The following ADGRL3 variants were observed in gnomAD, a reference collection of about 807,000 sequenced individuals.
ADGRL3 encodes the protein adhesion G protein-coupled receptor L3.
Under a neutral mutation model 153.5 loss-of-function variants are expected in ADGRL3, and 62 were observed. The ratio of observed to expected loss-of-function variants is 0.40; its 90% CI spans 0.33 to 0.50. The LOEUF is 0.50. Ranked by LOEUF, ADGRL3 falls within the 20% of genes least tolerant of loss-of-function variation. The probability of loss-of-function intolerance (pLI) is 0.47; values close to 1 mark genes in which losing one functional copy is unlikely to be tolerated. For synonymous variants in ADGRL3, 710 were observed against 672.5 expected (o/e 1.06, Z -0.86); for missense variants, 1,641 against 1,859.4 (o/e 0.88, Z 2.16).
chr4:61,775,904 TTTATTTA>T (rs1301890285), intron 8 of ADGRL3: 1 of 245,040 alleles, frequency 4.1e-6, no homozygotes, highest in African/African-American at 2.3e-5. Flanking sequence ...TATTTATTTA[TTTATTTA>T]TTTTTTTGAG....
At chr4:61,658,579 A>C (rs2094505188) in intron 5 of ADGRL3, among the ~76,000 whole-genome samples, 1 of 152,176 alleles carries the variant, frequency 6.6e-6, no homozygotes, top group African/African-American at 2.4e-5. Flanking sequence ...AGTAACTATT[A>C]GTTATTAACA....
At chr4:62,034,688 T>G (rs1485437517) in intron 23 of ADGRL3, among the ~76,000 whole-genome samples, 4 of 151,898 alleles carry the variant, frequency 2.6e-5, no homozygotes, top group Non-Finnish European at 4.4e-5. Context: ...TATTTCATAT[T>G]TGAAAATTGC....
chr4:61,318,925 A>C (rs934068275), intron 1 of ADGRL3, among the ~76,000 whole-genome samples: 1 of 152,186 alleles, frequency 6.6e-6, no homozygotes, highest in African/African-American at 2.4e-5. Flanking sequence ...AGCAATTATG[A>C]GTTGTCAGAT....
At chr4:61,425,676 G>A (rs1431295083) in intron 2 of ADGRL3, among the ~76,000 whole-genome samples, 2 of 152,172 alleles carry the variant, frequency 1.3e-5, no homozygotes, top group Non-Finnish European at 2.9e-5. Context: ...AAGTTACTGG[G>A]GAGCTCATAT....
At chr4:61,990,236 A>G (rs1345924203) in intron 19 of ADGRL3, among the ~76,000 whole-genome samples, 3 of 152,082 alleles carry the variant, frequency 2.0e-5, no homozygotes, top group Admixed American at 6.6e-5. Context: ...ATGCCATAAA[A>G]TACATAAACT....
At chr4:61,213,693 C>G (rs1741234018) in intron 1 of ADGRL3, among the ~76,000 whole-genome samples, 2 of 151,944 alleles carry the variant, frequency 1.3e-5, no homozygotes, top group Admixed American at 1.3e-4. Flanking sequence ...TTTCTCAATG[C>G]CATTATTTTT....
At chr4:61,908,005 T>C (rs1286578371) in intron 11 of ADGRL3, among the ~76,000 whole-genome samples, 2 of 152,138 alleles carry the variant, frequency 1.3e-5, no homozygotes, top group African/African-American at 2.4e-5. Flanking sequence ...TTTGAAAAGA[T>C]ACATATCAAA....
At chr4:61,203,152 G>A (rs1020595063) in intron 1 of ADGRL3, among the ~76,000 whole-genome samples, 3 of 152,148 alleles carry the variant, frequency 2.0e-5, no homozygotes, top group Non-Finnish European at 4.4e-5. Flanking sequence ...TGAAGTAATC[G>A]AGTCCAGCCA....
chr4:61,297,019 C>A (rs140975707), intron 1 of ADGRL3, among the ~76,000 whole-genome samples: 1 of 152,104 alleles, frequency 6.6e-6, no homozygotes, highest in Admixed American at 6.6e-5. Flanking sequence ...TTCCCCTACT[C>A]CAAAGATACC....
intron 11 of ADGRL3, among the ~76,000 whole-genome samples, chr4:61,903,432 G>C (rs1282091296): frequency 6.6e-6 from 1 of 152,084 alleles, no homozygotes; most frequent in Non-Finnish European, 1.5e-5. Context: ...GGCAAGAGCT[G>C]TATAAGATTC....
At chr4:61,440,242 T>C (rs1030348598) in intron 2 of ADGRL3, among the ~76,000 whole-genome samples, 13 of 152,024 alleles carry the variant, frequency 8.6e-5, no homozygotes, top group African/African-American at 3.1e-4. Context: ...AGAGCCAGGG[T>C]TTCGCCAATG....
chr4:61,858,389 G>T (rs1166540793), intron 9 of ADGRL3, among the ~76,000 whole-genome samples: 7 of 152,128 alleles, frequency 4.6e-5, no homozygotes, highest in Non-Finnish European at 8.8e-5. Context: ...TTGGGAGGCC[G>T]AGGCAGGTGG....
At chr4:61,238,861 C>A (rs150460484) in intron 1 of ADGRL3, among the ~76,000 whole-genome samples, 1 of 151,692 alleles carries the variant, frequency 6.6e-6, no homozygotes, top group Admixed American at 6.6e-5. Context: ...TGTATATGGC[C>A]TACATTAAAA....
intron 1 of ADGRL3, among the ~76,000 whole-genome samples, chr4:61,285,996 G>T (rs1042445829): frequency 6.6e-6 from 1 of 151,106 alleles, no homozygotes; most frequent in African/African-American, 2.4e-5. Context: ...GATTTATTCT[G>T]CTATAAAATT....
chr4:61,630,585 T>C (rs2093101054), intron 5 of ADGRL3, among the ~76,000 whole-genome samples: 1 of 152,220 alleles, frequency 6.6e-6, no homozygotes, highest in African/African-American at 2.4e-5. Context: ...TTTTTGTCAT[T>C]GTTAAATGAT....
chr4:61,820,790 T>G (rs1014627978), intron 9 of ADGRL3, among the ~76,000 whole-genome samples: 1 of 152,128 alleles, frequency 6.6e-6, no homozygotes, highest in African/African-American at 2.4e-5. Flanking sequence ...TTAGCAGGAC[T>G]CATTAAAAGT....
chr4:61,620,140 G>A (rs2092396233), intron 5 of ADGRL3, among the ~76,000 whole-genome samples: 1 of 151,650 alleles, frequency 6.6e-6, no homozygotes, highest in East Asian at 1.9e-4. Flanking sequence ...TTTATGAATA[G>A]GAATACTTCC....
chr4:61,556,152 T>C (rs2098765483), intron 4 of ADGRL3, among the ~76,000 whole-genome samples: 1 of 152,114 alleles, frequency 6.6e-6, no homozygotes, highest in African/African-American at 2.4e-5. Flanking sequence ...TATGAAAATA[T>C]TGTTAAAAAT....
Position 62,010,344 on chromosome 4 carries a change from G to A in ADGRL3, c.3395+12079G>A, listed in dbSNP as rs561914296. ...CTCAACACACCTAGTCATCTCATTC[G>A]TATGCAGAAGGCACATGGAAGATTC... On this transcript the variant is annotated intron_variant, in intron 21 of 26. Transcript: ENST00000683033. Among the ~76,000 whole-genome samples, 7 of 152,148 alleles carry A rather than the reference G, an allele frequency of 4.6e-5. No homozygotes were observed. The South Asian group carries it at 8.3e-4, about 18-fold the overall frequency.
Sources: allele counts gnomAD v4.1 joint callset (sites outside exome capture counted in the v4.1 genomes callset), GRCh38; gene constraint gnomAD v4.1.1; transcripts MANE v1.5; gene names NCBI Gene and HGNC (gene_info 2026-07-23, HGNC 2026-07-21).